Variants in C3orf20 observed in about 807,000 individuals in gnomAD.
C3orf20 encodes the protein uncharacterized protein C3orf20.
Under a neutral mutation model 88.3 loss-of-function variants are expected in C3orf20, and 76 were observed. That is an observed-to-expected ratio of 0.86 (90% CI 0.72 to 1.04). The LOEUF is 1.04. C3orf20 is among the 50% of genes least tolerant of loss of function. C3orf20 has a pLI of 0.00. For missense variants in C3orf20, 1,056 were observed against 1,123.3 expected (o/e 0.94, Z 0.86); for synonymous variants, 436 against 437.4 (o/e 1.00, Z 0.04).
chr3:14,740,957 T>C (rs986349035), intron 12 of C3orf20, among the ~76,000 whole-genome samples: 4 of 152,240 alleles, frequency 2.6e-5, no homozygotes, highest in Non-Finnish European at 5.9e-5. Flanking sequence ...TTCTAATATC[T>C]GCATTTCTAT....
Position 14,772,678 on chromosome 3 carries a change from G to T in C3orf20, c.2631-113G>T. 1.3e-6 allele frequency: 1 copy of T among 789,038 alleles called. No individual in the cohort carries two copies. The highest frequency in any genetic ancestry group is 1.6e-5 in the South Asian group (1 of 62,356). The allele number at this position is 789,038 out of a possible 1,614,324, so 48.9% of individuals were successfully genotyped here. On this transcript the variant is annotated intron_variant, in intron 16 of 16. Coordinates refer to ENST00000253697, the MANE Select transcript of C3orf20 (RefSeq NM_032137.5). This position sits in a 1 kb window ranked among gnomAD's most constrained non-coding sequence, Gnocchi z 4.2. ...CCTCTGGTTGGAACAGCACCCAACA[G>T]CCTCACCTGTGCAAGGGAGAGGGCC...
intron 12 of C3orf20, among the ~76,000 whole-genome samples, chr3:14,740,724 T>C (rs1037450168): frequency 1.3e-5 from 2 of 152,242 alleles, no homozygotes; most frequent in African/African-American, 2.4e-5. Flanking sequence ...CCTAGGTATT[T>C]TCTACTGACC....
intron 5 of C3orf20, among the ~76,000 whole-genome samples, chr3:14,702,440 CTTTT>C (rs34341509): frequency 6.0e-5 from 7 of 116,572 alleles, no homozygotes; most frequent in Non-Finnish European, 1.1e-4. Context: ...CCTCACATAT[CTTTT>C]TTTTTTTTTT....
intron 12 of C3orf20, among the ~76,000 whole-genome samples, chr3:14,755,901 C>T (rs535270364): frequency 8.6e-5 from 13 of 151,540 alleles, no homozygotes; most frequent in Non-Finnish European, 1.5e-4. Context: ...TGGTGGTGGG[C>T]GCCTGTAGTC....
intron 13 of C3orf20, 86 bp from the exon 14 acceptor site, chr3:14,759,805 G>A: frequency 8.8e-7 from 1 of 1,138,016 alleles, no homozygotes; most frequent in Non-Finnish European, 1.3e-6. Flanking sequence ...GGACTCAGGG[G>A]GAACCAGGCC....
At chr3:14,753,928 C>T (rs1277865607) in intron 12 of C3orf20, among the ~76,000 whole-genome samples, 2 of 152,200 alleles carry the variant, frequency 1.3e-5, no homozygotes, top group African/African-American at 4.8e-5. Context: ...TGTATTGAGA[C>T]ATTCATTCAA....
In C3orf20 at chr3:14,715,328, C is replaced by T; in HGVS notation, c.1353C>T (p.Thr451=). Reference sequence around the variant, plus strand: ...TAATCTTGGATGAGGAAGGTGGGACCACCAATGACCAGCAGGGCTATGTAG... The same window carrying T: ...TAATCTTGGATGAGGAAGGTGGGACTACCAATGACCAGCAGGGCTATGTAG... ...YVLILDEEGG[T]TNDQQGYVVH... Residue 451 remains threonine, a synonymous_variant, in exon 9 of 17, where the codon ACC becomes ACT. Coordinates refer to ENST00000253697, the MANE Select transcript of C3orf20 (RefSeq NM_032137.5). The T allele has an allele frequency of 1.2e-6, 2 of 1,612,466 alleles. No individual in the cohort carries two copies. The highest frequency in any genetic ancestry group is 2.0e-4 in the Middle Eastern group (1 of 4,936).
intron 10 of C3orf20, among the ~76,000 whole-genome samples, chr3:14,725,802 C>A (rs998338711): frequency 6.7e-6 from 1 of 149,786 alleles, no homozygotes; most frequent in Non-Finnish European, 1.5e-5. Context: ...CTCTATGTTA[C>A]GTGGGAGATG....
At chr3:14,724,742 T>A (rs1407417754) in intron 10 of C3orf20, among the ~76,000 whole-genome samples, 1 of 152,248 alleles carries the variant, frequency 6.6e-6, no homozygotes, top group Non-Finnish European at 1.5e-5. Context: ...TTTTCCCTTT[T>A]AAAAATTTTT....
intron 4 of C3orf20, among the ~76,000 whole-genome samples, chr3:14,687,338 C>A (rs2032486699): frequency 6.6e-6 from 1 of 152,124 alleles, no homozygotes; most frequent in Non-Finnish European, 1.5e-5. Flanking sequence ...ATTTTGGCTT[C>A]CTTTTCTAAG....
chr3:14,688,323 A>C (rs917486835), intron 4 of C3orf20, among the ~76,000 whole-genome samples: 1 of 151,712 alleles, frequency 6.6e-6, no homozygotes, highest in African/African-American at 2.4e-5. Flanking sequence ...TGAGGCCAGG[A>C]GTTCAAGACC....
intron 6 of C3orf20, 27 bp downstream of exon 6, chr3:14,703,289 G>A: frequency 6.2e-7 from 1 of 1,613,028 alleles, no homozygotes; most frequent in Non-Finnish European, 8.5e-7. Flanking sequence ...TTGGGTCGGG[G>A]GAGTCAAGGG....
chr3:14,691,215 A>G (rs1053402412), intron 5 of C3orf20, among the ~76,000 whole-genome samples: 2 of 152,184 alleles, frequency 1.3e-5, no homozygotes, highest in Non-Finnish European at 2.9e-5. Context: ...AGCGGCCGCC[A>G]CACCTTCCTG....
chr3:14,758,378 C>T (rs2035449868), intron 13 of C3orf20, among the ~76,000 whole-genome samples: 2 of 152,196 alleles, frequency 1.3e-5, no homozygotes, highest in African/African-American at 2.4e-5. Context: ...TAAAGGGAGT[C>T]TTCAGGCCCA....
chr3:14,706,321 G>A lies in C3orf20; in HGVS notation c.1160+1703G>A, dbSNP rs1480769942. 3.3e-5 allele frequency among the ~76,000 whole-genome samples: 5 copies of A among 151,936 alleles called. No individual in the cohort carries two copies. In the East Asian group the frequency reaches 9.7e-4, roughly 29 times the overall value. ...ACTCCTTCGAGAGCCGCTGCTGCTT[G>A]CAATGGGTTGTGTTGTGCCCCACCC... is the stretch of plus-strand genomic sequence containing the variant. On this transcript the variant is annotated intron_variant, in intron 7 of 16. Coordinates refer to ENST00000253697, the MANE Select transcript of C3orf20 (RefSeq NM_032137.5).
chr3:14,700,562 C>G (rs1044280046), intron 5 of C3orf20, among the ~76,000 whole-genome samples: 2 of 152,204 alleles, frequency 1.3e-5, no homozygotes, highest in African/African-American at 4.8e-5. Context: ...CTATTGGCCT[C>G]TTGTCTATGT....
At chr3:14,744,839 T>C (rs1175955382) in intron 12 of C3orf20, among the ~76,000 whole-genome samples, 1 of 152,166 alleles carries the variant, frequency 6.6e-6, no homozygotes, top group Non-Finnish European at 1.5e-5. Flanking sequence ...ACCTCCCCAC[T>C]GGGTCCCTCC....
At chr3:14,756,301 G>GTACA (rs2035371534) in intron 12 of C3orf20, among the ~76,000 whole-genome samples, 1 of 151,700 alleles carries the variant, frequency 6.6e-6, no homozygotes, top group South Asian at 2.1e-4. Flanking sequence ...CAACAACCCG[G>GTACA]TACAGTGTTT....
chr3:14,713,580 A>C (rs1402435344), intron 7 of C3orf20, among the ~76,000 whole-genome samples: 1 of 152,186 alleles, frequency 6.6e-6, no homozygotes, highest in Non-Finnish European at 1.5e-5. Context: ...TCAGAGATCA[A>C]ATCCTGGCTC....
Sources: gnomAD v4.1 joint callset for allele counts (sites outside exome capture counted in the v4.1 genomes callset) on GRCh38, gnomAD v4.1.1 for gene constraint, Gnocchi (gnomAD v3.1) non-coding constraint, MANE v1.5 for transcripts, NCBI Gene and HGNC (gene_info 2026-07-23, HGNC 2026-07-21) for gene names.